TUSC3: variants seen among roughly 807,000 people sequenced by gnomAD.
TUSC3 encodes tumor suppressor candidate 3.
TUSC3 carries 45 observed loss-of-function variants against 44.8 expected under a neutral mutation model. The observed-to-expected ratio is 1.00, with a 90% CI of 0.79 to 1.29. The LOEUF is 1.29. Among genes scored for constraint, TUSC3 ranks in the 50% most tolerant of loss-of-function variants. The pLI is 0.00. For missense variants in TUSC3, 519 were observed against 437.9 expected (o/e 1.19, Z -1.65); for synonymous variants, 212 against 152.9 (o/e 1.39, Z -2.85).
downstream of TUSC3, among the ~76,000 whole-genome samples, chr8:15,766,933 A>G (rs2721228): frequency 5.9e-3 from 904 of 152,236 alleles, 9 homozygotes; most frequent in African/African-American, 0.02. Context: ...TGGAGCATGT[A>G]GGGACAAAAT....
chr8:15,781,098 T>C, the TUSC3 span, among the ~76,000 whole-genome samples: 1 of 152,062 alleles, frequency 6.6e-6, no homozygotes, highest in African/African-American at 2.4e-5. Flanking sequence ...ACTTCCTGAG[T>C]GTTCTTTCCC....
At chr8:15,780,873 A>G in the TUSC3 span, among the ~76,000 whole-genome samples, 1 of 152,296 alleles carries the variant, frequency 6.6e-6, no homozygotes, top group Non-Finnish European at 1.5e-5. Context: ...AGAAAGTGAA[A>G]AGATAGAGGG....
chr8:15,548,340 T>C (rs1049915757), intron 1 of TUSC3, among the ~76,000 whole-genome samples: 1 of 151,868 alleles, frequency 6.6e-6, no homozygotes, highest in Non-Finnish European at 1.5e-5. Flanking sequence ...CAGTTAAAGA[T>C]CATCATTATT....
chr8:15,650,543 C>T (rs184428750), intron 2 of TUSC3, among the ~76,000 whole-genome samples, 154 bp from the exon 3 acceptor site: 1 of 151,998 alleles, frequency 6.6e-6, no homozygotes, highest in African/African-American at 2.4e-5. Context: ...TCAGAGAATC[C>T]TTTTTTTAAA....
intron 1 of TUSC3, among the ~76,000 whole-genome samples, chr8:15,609,753 T>A (rs13253823): frequency 0.26 from 39,007 of 150,136 alleles, 5,188 homozygotes; most frequent in Non-Finnish European, 0.29. Context: ...AACAAACATT[T>A]AAAAAAAAAC....
chr8:15,755,558 G>C lies in TUSC3; in HGVS notation c.1029-2233G>C, dbSNP rs118004803. 5.0e-3 allele frequency among the ~76,000 whole-genome samples: 756 copies of C among 151,970 alleles called. 8 individuals carry two copies. The highest frequency in any genetic ancestry group is 9.3e-3 in the Non-Finnish European group (634 of 67,936). On this transcript the variant is annotated intron_variant, in intron 9 of 10. Coordinates refer to ENST00000503731, the MANE Select transcript of TUSC3 (RefSeq NM_006765.4). ...TCTTGAAATTGTCAGTGAAATAGTA[G>C]GGTTACTATGAATTTGATCTAATTA...
intron 1 of TUSC3, among the ~76,000 whole-genome samples, chr8:15,572,830 T>A (rs1410876919): frequency 6.6e-6 from 1 of 152,106 alleles, no homozygotes; most frequent in Admixed American, 6.6e-5. Context: ...TGAATACACA[T>A]GACATTTATC....
At chr8:15,708,800 A>T (rs1485701254) in intron 6 of TUSC3, among the ~76,000 whole-genome samples, 3 of 151,914 alleles carry the variant, frequency 2.0e-5, no homozygotes, top group Non-Finnish European at 4.4e-5. Context: ...CATGATACTG[A>T]TAAAAGTGAA....
intron 2 of TUSC3, among the ~76,000 whole-genome samples, chr8:15,529,284 T>A (rs1801420684): frequency 6.6e-6 from 1 of 152,168 alleles, no homozygotes; most frequent in Non-Finnish European, 1.5e-5. Flanking sequence ...TTGATAGAAA[T>A]TCTAGGGCAG....
intron 1 of TUSC3, among the ~76,000 whole-genome samples, chr8:15,428,779 T>C (rs1024965311): frequency 8.5e-5 from 13 of 152,162 alleles, no homozygotes; most frequent in African/African-American, 2.4e-4. Flanking sequence ...TTTTGAGAAG[T>C]GTCTGTTCAT....
chr8:15,743,621 C>CT lies in TUSC3; in HGVS notation c.937+10dup. The CT allele has an allele frequency of 6.2e-7, 1 of 1,613,820 alleles. No homozygotes were observed. Among genetic ancestry groups the CT allele is most frequent in the Non-Finnish European group, 8.5e-7 (1 of 1,179,790 alleles). On this transcript the variant is annotated intron_variant, in intron 8 of 10. Coordinates refer to ENST00000503731, the MANE Select transcript of TUSC3 (RefSeq NM_006765.4). ...TGTTGGAAAAAGACGGAGTAAGTCT[C>CT]TGTGTTGCCATTTTTGTAATTTCGT...
At chr8:15,792,447 C>G in the TUSC3 span, among the ~76,000 whole-genome samples, 3 of 152,256 alleles carry the variant, frequency 2.0e-5, no homozygotes, top group East Asian at 5.8e-4. Context: ...TACTTCTCAC[C>G]TATACTGACA....
At chr8:15,425,402 G>T (rs115629499) in intron 1 of TUSC3, among the ~76,000 whole-genome samples, 1,862 of 152,296 alleles carry the variant, frequency 0.012, 35 homozygotes, top group African/African-American at 0.043. Flanking sequence ...ATTTCCTCCT[G>T]AAAGAAGTGC....
In TUSC3 at chr8:15,419,437, G is replaced by A. The variant is rs1333407396; in HGVS notation, n.91+2132G>A. 2.0e-5 allele frequency among the ~76,000 whole-genome samples: 3 copies of A among 152,218 alleles called. No individual in the cohort carries two copies. In the East Asian group the frequency reaches 5.8e-4, roughly 29 times the overall value. ...TGATTTTTAGTCTTTGCTTCTTTGA[G>A]GCGCCAGCAATCATAATATTTTAGA... On this transcript the variant is annotated intron_variant and non_coding_transcript_variant, in intron 1 of 5. Coordinates refer to the TUSC3 transcript ENST00000503191.
At chr8:15,655,534 T>C (rs1334114775) in intron 3 of TUSC3, among the ~76,000 whole-genome samples, 3 of 152,206 alleles carry the variant, frequency 2.0e-5, no homozygotes, top group African/African-American at 7.2e-5. Context: ...GTCCGAACAG[T>C]GCACTTTGAT....
At chr8:15,420,069 T>C (rs1799719044) in intron 1 of TUSC3, among the ~76,000 whole-genome samples, 1 of 152,178 alleles carries the variant, frequency 6.6e-6, no homozygotes, top group Non-Finnish European at 1.5e-5. Context: ...TTTGATGTAA[T>C]GATGCCAAAA....
chr8:15,808,295 G>A, the TUSC3 span, among the ~76,000 whole-genome samples: 5,123 of 152,044 alleles, frequency 0.034, 293 homozygotes, highest in African/African-American at 0.12. Context: ...AATACTAAAT[G>A]TTATTTTAAT....
At chr8:15,442,524 T>C (rs1800034987) in intron 1 of TUSC3, among the ~76,000 whole-genome samples, 1 of 152,198 alleles carries the variant, frequency 6.6e-6, no homozygotes, top group Non-Finnish European at 1.5e-5. Context: ...GATTGTTTAC[T>C]TTCTTACTAA....
At chr8:15,438,667 T>A (rs922712074) in intron 1 of TUSC3, among the ~76,000 whole-genome samples, 1 of 152,230 alleles carries the variant, frequency 6.6e-6, no homozygotes, top group Non-Finnish European at 1.5e-5. Flanking sequence ...GCAAACTGAA[T>A]GCTGACCTTG....
Sources: allele counts gnomAD v4.1 joint callset (sites outside exome capture counted in the v4.1 genomes callset), GRCh38; gene constraint gnomAD v4.1.1; transcripts MANE v1.5; gene names NCBI Gene and HGNC (gene_info 2026-07-23, HGNC 2026-07-21).